The following SGCD variants were observed in gnomAD, a reference collection of about 807,000 sequenced individuals.
SGCD encodes the protein delta-sarcoglycan.
In SGCD, 18 loss-of-function variants were observed where a neutral mutation model predicts 36.6. That is an observed-to-expected ratio of 0.49 (90% CI 0.34 to 0.73). The LOEUF (loss-of-function observed/expected upper bound fraction) is 0.73. Among genes scored for constraint, SGCD ranks in the 30% least tolerant of loss-of-function variants. The pLI, the probability that SGCD is intolerant of heterozygous loss-of-function variation, is 0.01. For synonymous variants in SGCD, 133 were observed against 130.6 expected, an observed-to-expected ratio of 1.02 and a Z score of -0.12; for missense variants, 387 against 346.7, an observed-to-expected ratio of 1.12 and a Z score of -0.92.
intron 1 of SGCD, among the ~76,000 whole-genome samples, chr5:156,019,117 T>G (rs900564597): frequency 3.3e-5 from 5 of 151,678 alleles, no homozygotes; most frequent in Non-Finnish European, 7.4e-5. Context: ...TGAAAATCAC[T>G]GATGGCTTCT....
intron 7 of SGCD, among the ~76,000 whole-genome samples, chr5:156,654,574 C>G (rs548823029): frequency 6.4e-4 from 97 of 152,172 alleles, no homozygotes; most frequent in Non-Finnish European, 1.2e-3. Flanking sequence ...CTCTGCTGGT[C>G]TCCAAAGGCC....
At chr5:156,701,390 C>T (rs1341531340) in intron 7 of SGCD, among the ~76,000 whole-genome samples, 1 of 152,212 alleles carries the variant, frequency 6.6e-6, no homozygotes, top group East Asian at 1.9e-4. Flanking sequence ...GACCACCTCT[C>T]ATCATTGTCA....
intron 7 of SGCD, among the ~76,000 whole-genome samples, chr5:156,720,761 C>T (rs1273486507): frequency 6.6e-6 from 1 of 152,182 alleles, no homozygotes; most frequent in Non-Finnish European, 1.5e-5. Flanking sequence ...ACCTTTTGCT[C>T]ATAAAGTTTG....
chr5:156,220,939 G>A (rs1428157002), intron 3 of SGCD, among the ~76,000 whole-genome samples: 1 of 152,046 alleles, frequency 6.6e-6, no homozygotes, highest in Admixed American at 6.6e-5. Context: ...GCTCCATGTG[G>A]CATAACTAGG....
intron 1 of SGCD, among the ~76,000 whole-genome samples, chr5:155,905,171 G>A (rs1321153243): frequency 6.6e-6 from 1 of 152,144 alleles, no homozygotes; most frequent in Admixed American, 6.6e-5. Flanking sequence ...GCAGACCTGA[G>A]AATTCTGGAA....
intron 3 of SGCD, among the ~76,000 whole-genome samples, chr5:156,410,116 C>A (rs1441605106): frequency 6.6e-6 from 1 of 152,136 alleles, no homozygotes; most frequent in East Asian, 1.9e-4. Context: ...ACACTATTCA[C>A]AATTGCTAAG....
chr5:156,034,368 C>T (rs1365303449), intron 1 of SGCD, among the ~76,000 whole-genome samples: 1 of 152,118 alleles, frequency 6.6e-6, no homozygotes, highest in Non-Finnish European at 1.5e-5. Context: ...GTATAAAGTA[C>T]CAGAAGATAT....
chr5:156,171,618 A>G (rs2127622364), intron 3 of SGCD, among the ~76,000 whole-genome samples: 1 of 152,330 alleles, frequency 6.6e-6, no homozygotes, highest in African/African-American at 2.4e-5. Context: ...CTTAAATGTA[A>G]CATGCTTATG....
intron 2 of SGCD, among the ~76,000 whole-genome samples, chr5:156,344,065 AT>A (rs1259551325): frequency 6.6e-6 from 1 of 152,096 alleles, no homozygotes; most frequent in Non-Finnish European, 1.5e-5. Flanking sequence ...CCCCAAATAA[AT>A]TGCCTGAATA....
chr5:155,939,630 G>C (rs1444425784), intron 1 of SGCD, among the ~76,000 whole-genome samples: 1 of 86,792 alleles, frequency 1.2e-5, no homozygotes, highest in Non-Finnish European at 2.3e-5. Context: ...GGGTGACAGA[G>C]AGAGACTCTC....
intron 6 of SGCD, among the ~76,000 whole-genome samples, chr5:156,608,823 T>G (rs2113449810): frequency 6.6e-6 from 1 of 152,240 alleles, no homozygotes; most frequent in South Asian, 2.1e-4. Flanking sequence ...TCTTTTGATC[T>G]TTGTTGGTTT....
chr5:156,752,505 GC>G (rs1757183232), intron 7 of SGCD, among the ~76,000 whole-genome samples: 1 of 152,030 alleles, frequency 6.6e-6, no homozygotes, highest in Non-Finnish European at 1.5e-5. Context: ...CAATTCTCTT[GC>G]CTCAGCTTCC....
chr5:155,787,716 A>G, the SGCD span, among the ~76,000 whole-genome samples: 1 of 152,098 alleles, frequency 6.6e-6, no homozygotes, highest in African/African-American at 2.4e-5. Flanking sequence ...CTTTTTGCTT[A>G]GAATCCCAGG....
chr5:155,854,704 T>C, the SGCD span, among the ~76,000 whole-genome samples: 1 of 152,184 alleles, frequency 6.6e-6, no homozygotes, highest in African/African-American at 2.4e-5. Flanking sequence ...GAACTTCCAA[T>C]ATTGATGTAC....
At chr5:156,466,555 G>A (rs764263249) in intron 3 of SGCD, among the ~76,000 whole-genome samples, 13 of 151,992 alleles carry the variant, frequency 8.6e-5, no homozygotes, top group Non-Finnish European at 1.3e-4. Context: ...GTGATTAAGA[G>A]TACACACTCT....
chr5:156,403,095 C>T (rs1772237928), intron 3 of SGCD, among the ~76,000 whole-genome samples: 1 of 152,146 alleles, frequency 6.6e-6, no homozygotes, highest in East Asian at 1.9e-4. Flanking sequence ...TTCGGGGCCA[C>T]ATTGCGGCCC....
intron 3 of SGCD, among the ~76,000 whole-genome samples, chr5:156,143,744 T>G (rs558087521): frequency 8.5e-5 from 13 of 152,312 alleles, no homozygotes; most frequent in African/African-American, 2.6e-4. Flanking sequence ...GCAATTTTTT[T>G]TTTAAATTAT....
chr5:156,730,601 C>T (rs879294684), intron 7 of SGCD, among the ~76,000 whole-genome samples: 12 of 152,034 alleles, frequency 7.9e-5, no homozygotes, highest in Admixed American at 3.9e-4. Context: ...ATATGTTCCA[C>T]GTTTTCTTTA....
chr5:155,881,160 T>C (rs1392523072), intron 1 of SGCD, among the ~76,000 whole-genome samples: 2 of 152,072 alleles, frequency 1.3e-5, no homozygotes, highest in African/African-American at 4.8e-5. Context: ...TATCACAATT[T>C]CCATAAATAA....
Sources: gnomAD v4.1 joint callset for allele counts (sites outside exome capture counted in the v4.1 genomes callset) on GRCh38, gnomAD v4.1.1 for gene constraint, MANE v1.5 for transcripts, NCBI Gene and HGNC (gene_info 2026-07-23, HGNC 2026-07-21) for gene names.